The following SNTG2 variants were observed in gnomAD, a reference collection of about 807,000 sequenced individuals.
SNTG2 encodes the protein gamma-2-syntrophin.
Under a neutral mutation model 70.9 loss-of-function variants are expected in SNTG2, and 74 were observed. That is an observed-to-expected ratio of 1.04 (90% confidence interval 0.86 to 1.27). SNTG2 has a LOEUF of 1.27. SNTG2 is among the 50% of genes most tolerant of loss of function. The pLI, the probability that SNTG2 is intolerant of heterozygous loss-of-function variation, is 0.00. For synonymous variants in SNTG2, 278 were observed against 273.8 expected, an observed-to-expected ratio of 1.02 and a Z score of -0.15; for missense variants, 717 against 690.7, an observed-to-expected ratio of 1.04 and a Z score of -0.43.
chr2:1,187,319 A>C (rs766482729), intron 8 of SNTG2, among the ~76,000 whole-genome samples: 2 of 152,214 alleles, frequency 1.3e-5, no homozygotes, highest in Non-Finnish European at 1.5e-5. Flanking sequence ...TGAGATTAAC[A>C]GATCAGTGCT....
At chr2:1,288,527 T>C (rs1167727126) in intron 14 of SNTG2, among the ~76,000 whole-genome samples, 2 of 152,130 alleles carry the variant, frequency 1.3e-5, no homozygotes, top group Non-Finnish European at 2.9e-5. Flanking sequence ...CATGGACATG[T>C]GCACACATGA....
chr2:1,185,249 T>C (rs1672174584), intron 8 of SNTG2, among the ~76,000 whole-genome samples: 2 of 152,174 alleles, frequency 1.3e-5, no homozygotes, highest in Admixed American at 1.3e-4. Flanking sequence ...AAGGCTCAGC[T>C]CCTATTACTG....
Position 1,018,773 on chromosome 2 carries a change from A to AT in SNTG2, c.73-64738dup, listed in dbSNP as rs952949371. On this transcript the variant is annotated intron_variant, in intron 1 of 16. Coordinates refer to ENST00000308624, the MANE Select transcript of SNTG2 (RefSeq NM_018968.4). Reference sequence around the variant, plus strand: ...AATAATAAAATAAAAAGATTGCGTGATTTTTTTGTAAAATGTTGGCAAAGG... The same window carrying AT: ...AATAATAAAATAAAAAGATTGCGTGATTTTTTTTGTAAAATGTTGGCAAAGG... Among the ~76,000 whole-genome samples, 8 of 152,324 alleles carry AT rather than the reference A, an allele frequency of 5.3e-5. 1 individual carries two copies. In the East Asian group the frequency reaches 9.7e-4, roughly 18 times the overall value.
intron 1 of SNTG2, among the ~76,000 whole-genome samples, chr2:968,597 G>A (rs1208711351): frequency 1.3e-5 from 2 of 151,988 alleles, no homozygotes; most frequent in Non-Finnish European, 2.9e-5. Context: ...GCCTTTTATT[G>A]CCAGTGTTTA....
chr2:1,102,909 G>A (rs974273508), intron 4 of SNTG2, among the ~76,000 whole-genome samples: 4 of 152,306 alleles, frequency 2.6e-5, no homozygotes, highest in Non-Finnish European at 2.9e-5. Context: ...TGAATTCTTC[G>A]CGAAGTGGCT....
intron 9 of SNTG2, among the ~76,000 whole-genome samples, chr2:1,224,207 C>T (rs1675598908): frequency 6.6e-6 from 1 of 152,212 alleles, no homozygotes; most frequent in Admixed American, 6.5e-5. Context: ...GATTTCAACA[C>T]TGAACGTTTG....
At chr2:1,144,961 C>T (rs188693686) in intron 6 of SNTG2, among the ~76,000 whole-genome samples, 24 of 152,220 alleles carry the variant, frequency 1.6e-4, no homozygotes, top group South Asian at 1.2e-3. Flanking sequence ...ATAAACAGTA[C>T]GCTTCTAAAT....
chr2:1,308,527 A>G lies in SNTG2; in HGVS notation c.1318A>G (p.Met440Val), dbSNP rs192032454. The G allele has an allele frequency of 7.2e-5, 112 of 1,551,648 alleles. No individual in the cohort carries two copies. The East Asian group carries it at 1.7e-3, about 23-fold the overall frequency. ...ATACATGTGCAGCTGGCAAGGAGAG[A>G]TGCTGTGTTTCACGGTGGATTTCGC... The part of the protein sequence containing the change: ...RTYMCSWQGE[M>V]LCFTVDFALG... The change falls in exon 15 of 17, where the codon ATG becomes GTG. Residue 440 changes from methionine (M) to valine (V), a missense_variant. Transcript: ENST00000308624.
intron 11 of SNTG2, among the ~76,000 whole-genome samples, chr2:1,242,379 T>A (rs1677108834): frequency 6.6e-6 from 1 of 152,154 alleles, no homozygotes. Context: ...TAACAACCAC[T>A]GAAATTGGCA....
At chr2:968,770 T>A (rs1218065526) in intron 1 of SNTG2, among the ~76,000 whole-genome samples, 1 of 152,200 alleles carries the variant, frequency 6.6e-6, no homozygotes, top group Non-Finnish European at 1.5e-5. Flanking sequence ...TGGTATTAGA[T>A]CTTTGCTAGA....
At chr2:954,084 G>A (rs537208279) in intron 1 of SNTG2, among the ~76,000 whole-genome samples, 1 of 152,300 alleles carries the variant, frequency 6.6e-6, no homozygotes, top group East Asian at 1.9e-4. Context: ...GTTAGCTCAT[G>A]TAGCATGTGA....
intron 2 of SNTG2, among the ~76,000 whole-genome samples, chr2:1,092,008 T>C (rs570296588): frequency 1.3e-5 from 2 of 152,260 alleles, no homozygotes; most frequent in Admixed American, 6.5e-5. Context: ...AAAAATGCCT[T>C]ATAGAGTGTT....
At chr2:1,116,140 C>T (rs946590745) in intron 4 of SNTG2, among the ~76,000 whole-genome samples, 24 of 152,158 alleles carry the variant, frequency 1.6e-4, no homozygotes, top group African/African-American at 5.6e-4. Flanking sequence ...TTGGATGTGG[C>T]GTCTTCAGAG....
intron 11 of SNTG2, among the ~76,000 whole-genome samples, chr2:1,246,756 T>C (rs1214158583): frequency 1.3e-5 from 2 of 152,038 alleles, no homozygotes; most frequent in African/African-American, 4.8e-5. Flanking sequence ...ATTCTTAAAT[T>C]GGATTATTAT....
Position 1,159,113 on chromosome 2 carries a change from T to TGTG in SNTG2, c.412-6435_412-6434insGTG, listed in dbSNP as rs745924276. 2.0e-3 allele frequency among the ~76,000 whole-genome samples: 268 copies of TGTG among 133,978 alleles called. 3 individuals carry two copies. Among genetic ancestry groups the TGTG allele is most frequent in the African/African-American group, 8.3e-3 (254 of 30,428 alleles). The allele number at this position is 133,978 out of a possible 152,430, so 87.9% of individuals were successfully genotyped here. A position where few individuals can be genotyped will look rare whatever the true frequency, so the allele number is the denominator to read the frequency against. On this transcript the variant is annotated intron_variant, in intron 6 of 16. Coordinates refer to ENST00000308624, the MANE Select transcript of SNTG2 (RefSeq NM_018968.4). ...GTATGTGCATGCGTGTACCTGTGTG[T>TGTG]TCGTGTGTGTGTATGCATGGGTGTG...
intron 1 of SNTG2, among the ~76,000 whole-genome samples, chr2:1,020,049 AAAC>A (rs759238133): frequency 6.6e-6 from 1 of 152,186 alleles, no homozygotes; most frequent in Non-Finnish European, 1.5e-5. Context: ...TCTCAAAGAA[AAAC>A]AACAAGAACA....
At chr2:1,139,044 A>T (rs1668580110) in intron 6 of SNTG2, among the ~76,000 whole-genome samples, 1 of 152,200 alleles carries the variant, frequency 6.6e-6, no homozygotes, top group African/African-American at 2.4e-5. Flanking sequence ...AACAACAAGG[A>T]TCAGCATATT....
In SNTG2 at chr2:1,355,644, A is replaced by G. The variant is rs370042492; in HGVS notation, c.1489-11699A>G. 1.5e-4 allele frequency among the ~76,000 whole-genome samples: 23 copies of G among 152,294 alleles called. No individual in the cohort carries two copies. The East Asian group carries it at 3.9e-3, about 26-fold the overall frequency. On this transcript the variant is annotated intron_variant, in intron 16 of 16. Coordinates refer to ENST00000308624, the MANE Select transcript of SNTG2 (RefSeq NM_018968.4). ...GCTATTGTGAGTAGTGCTGTAATGA[A>G]CAGGGGAGTGCAGGTCTCTCTTGGA...
intron 16 of SNTG2, among the ~76,000 whole-genome samples, chr2:1,335,862 C>T (rs1659791997): frequency 1.3e-5 from 2 of 152,126 alleles, no homozygotes; most frequent in South Asian, 2.1e-4. Context: ...CCTTCAAACC[C>T]GTCTTCTGGG....
Sources: gnomAD v4.1 joint callset for allele counts (sites outside exome capture counted in the v4.1 genomes callset) on GRCh38, gnomAD v4.1.1 for gene constraint, MANE v1.5 for transcripts, NCBI Gene and HGNC (gene_info 2026-07-23, HGNC 2026-07-21) for gene names.